Variants in RAPGEF6 observed in about 807,000 individuals in gnomAD.
RAPGEF6 encodes the protein Rap guanine nucleotide exchange factor 6, also known as PDZ domain containing guanine nucleotide exchange factor (GEF) 2.
A neutral mutation model predicts 171.4 loss-of-function variants in RAPGEF6; 56 were observed. That is an observed-to-expected ratio of 0.33 (90% CI 0.26 to 0.41). The LOEUF (loss-of-function observed/expected upper bound fraction) is 0.41, where lower values mean the gene tolerates loss of function less well. Ranked by LOEUF, RAPGEF6 falls within the 10% of genes least tolerant of loss-of-function variation. RAPGEF6 has a pLI of 1.00. For synonymous variants in RAPGEF6, 692 were observed against 650.1 expected (o/e 1.06, Z -0.98); for missense variants, 1,674 against 1,921.4 (o/e 0.87, Z 2.41).
chr5:131,606,961 C>T (rs781323524), intron 1 of RAPGEF6, among the ~76,000 whole-genome samples: 2 of 152,212 alleles, frequency 1.3e-5, no homozygotes, highest in Admixed American at 1.3e-4. Flanking sequence ...TCAGCCAGAA[C>T]CTGCTGAATG....
intron 11 of RAPGEF6, among the ~76,000 whole-genome samples, chr5:131,499,516 G>A (rs1329590451): frequency 6.7e-6 from 1 of 148,822 alleles, no homozygotes; most frequent in Non-Finnish European, 1.5e-5. Context: ...GGGAGGTGGA[G>A]GTTGCAGAGA....
At chr5:131,562,114 A>AAAAC (rs753392451) in intron 4 of RAPGEF6, 67 bp from the exon 5 acceptor site, 1 of 1,090,282 alleles carries the variant, frequency 9.2e-7, no homozygotes, top group African/African-American at 1.7e-5. Context: ...ATAGGAAAAG[A>AAAAC]AAACAAACAA....
At position 131,506,499 on chromosome 5, in the gene RAPGEF6, C is replaced by T. The variant is rs73256630; in HGVS notation, c.943-977G>A. The stretch of plus-strand genomic sequence containing the variant: ...CCACTTATTCTCCTTTAATATCAAA[C>T]CCTCTTATAAGCCTGAACCTTCAAT... On this transcript the variant is annotated intron_variant, in intron 9 of 27. Coordinates refer to ENST00000509018, the MANE Select transcript of RAPGEF6 (RefSeq NM_016340.6). Among the ~76,000 whole-genome samples, 331 of 152,276 alleles carry T rather than the reference C, an allele frequency of 2.2e-3. 1 individual carries two copies. The highest frequency in any genetic ancestry group is 6.8e-3 in the African/African-American group (281 of 41,546).
At chr5:131,538,132 A>T (rs538448184) in intron 6 of RAPGEF6, among the ~76,000 whole-genome samples, 9 of 152,108 alleles carry the variant, frequency 5.9e-5, no homozygotes, top group East Asian at 1.9e-4. Flanking sequence ...CTACAACAAT[A>T]AAAAAAACTA....
At chr5:131,633,939 A>C (rs1276057423) in intron 1 of RAPGEF6, among the ~76,000 whole-genome samples, 2 of 152,204 alleles carry the variant, frequency 1.3e-5, no homozygotes, top group Non-Finnish European at 2.9e-5. Flanking sequence ...AGAACTCTGG[A>C]AAGTGGTAGA....
intron 6 of RAPGEF6, among the ~76,000 whole-genome samples, chr5:131,543,069 G>T (rs1192379995): frequency 6.6e-6 from 1 of 152,076 alleles, no homozygotes; most frequent in Non-Finnish European, 1.5e-5. Flanking sequence ...AAACAGGACT[G>T]GTCTAGACTA....
chr5:131,550,321 A>T (rs1290408058), intron 5 of RAPGEF6, among the ~76,000 whole-genome samples: 1 of 152,182 alleles, frequency 6.6e-6, no homozygotes, highest in African/African-American at 2.4e-5. Context: ...CACCAAATAA[A>T]TTTTAAACTC....
At position 131,453,114 on chromosome 5, in the gene RAPGEF6, A is replaced by G. The variant is rs1360045167; in HGVS notation, c.3140T>C (p.Ile1047Thr). ...AGAAGTCATTCGAACAACTTGGCGG[A>G]TTTCCTTGGAAATCATTCTTAACTT... is the stretch of plus-strand genomic sequence containing the variant. ...FEKLRMISKE[I>T]RQVVRMTSAN... The change falls in exon 21 of 28, where the codon ATC becomes ACC. Residue 1047 changes from isoleucine (I) to threonine (T), a missense_variant. This residue lies in a region of RAPGEF6 where 1,116 missense variants were observed against 1,321.5 expected (regional missense o/e 0.84). Coordinates refer to ENST00000509018, the MANE Select transcript of RAPGEF6 (RefSeq NM_016340.6). The G allele has an allele frequency of 6.2e-7, 1 of 1,613,880 alleles. No individual in the cohort carries two copies. Among genetic ancestry groups the G allele is most frequent in the Non-Finnish European group, 8.5e-7 (1 of 1,179,940 alleles).
At chr5:131,564,094 G>A (rs897607514) in intron 4 of RAPGEF6, among the ~76,000 whole-genome samples, 5 of 152,178 alleles carry the variant, frequency 3.3e-5, no homozygotes, top group African/African-American at 9.7e-5. Context: ...CCACCTACAG[G>A]CAAGAGAAGC....
intron 6 of RAPGEF6, among the ~76,000 whole-genome samples, chr5:131,535,204 T>C (rs769811402): frequency 2.0e-5 from 3 of 152,108 alleles, no homozygotes; most frequent in Non-Finnish European, 4.4e-5. Flanking sequence ...AACTGTATAG[T>C]GAACCTATCA....
chr5:131,510,321 A>G lies in RAPGEF6; in HGVS notation c.798T>C (p.Asp266=). Reference sequence around the variant, plus strand: ...AACACATATATTTCTTACCAATGTCATCATCAGTTTTGTCTGCAGGTTCTT... The same window carrying G: ...AACACATATATTTCTTACCAATGTCGTCATCAGTTTTGTCTGCAGGTTCTT... ...LEKEPADKTD[D]DIEQLLEFMH... The change falls in exon 8 of 28, where the codon GAT becomes GAC. Residue 266 remains aspartate (D), a synonymous_variant. Transcript: ENST00000509018. 1 of 1,612,514 alleles carries G rather than the reference A, an allele frequency of 6.2e-7. No individual in the cohort carries two copies. Among genetic ancestry groups the G allele is most frequent in the South Asian group, 1.1e-5 (1 of 90,694 alleles).
rs750163341 is a variant in RAPGEF6 at position 131,428,947 on chromosome 5, G to A, written c.4735C>T (p.His1579Tyr). The change falls in exon 27 of 28, where the codon CAT (histidine) becomes TAT (tyrosine). Residue 1579 changes from histidine (H) to tyrosine (Y), a missense_variant. His to Tyr is a moderately conservative substitution (Grantham distance 83, BLOSUM62 2). This residue lies in a region of RAPGEF6 where 552 missense variants were observed against 574.2 expected (regional missense o/e 0.96). Transcript: ENST00000509018. ...TCAGTCACATCTCCTAGTTTAGGAT[G>A]GAATGGCTGCAAATTATGCCTCTGA... ...QPQRHNLQPF[H>Y]PKLGDVTDAD... 2.5e-6 allele frequency: 4 copies of A among 1,614,216 alleles called. No homozygotes were observed. Among genetic ancestry groups the A allele is most frequent in the South Asian group, 2.2e-5 (2 of 91,078 alleles).
intron 1 of RAPGEF6, 129 bp from the exon 2 acceptor site, chr5:131,604,822 A>G (rs1580662628): frequency 8.6e-7 from 1 of 1,168,474 alleles, no homozygotes; most frequent in East Asian, 2.7e-5. Context: ...AAAATCATAA[A>G]ACCTCTGAAT....
intron 16 of RAPGEF6, among the ~76,000 whole-genome samples, chr5:131,475,014 A>G (rs984692844): frequency 2.0e-5 from 3 of 152,250 alleles, no homozygotes; most frequent in African/African-American, 7.2e-5. Flanking sequence ...TAAGATGTAC[A>G]GAAAATACGA....
intron 5 of RAPGEF6, among the ~76,000 whole-genome samples, chr5:131,556,227 G>A (rs1019612226): frequency 5.3e-5 from 8 of 152,120 alleles, no homozygotes; most frequent in African/African-American, 1.9e-4. Context: ...ATCACCTGAG[G>A]TCAGGAGTTT....
intron 15 of RAPGEF6, among the ~76,000 whole-genome samples, chr5:131,481,989 G>C (rs1237785759): frequency 6.6e-6 from 1 of 152,082 alleles, no homozygotes; most frequent in Non-Finnish European, 1.5e-5. Context: ...CAAAATCAAA[G>C]AACTTACAAG....
chr5:131,468,532 C>T (rs1190940497), intron 17 of RAPGEF6, among the ~76,000 whole-genome samples: 7 of 96,992 alleles, frequency 7.2e-5, no homozygotes, highest in African/African-American at 2.4e-4. Flanking sequence ...ATGTACTGAC[C>T]CTGAGATTAC....
chr5:131,529,003 TG>T (rs1759181687), intron 6 of RAPGEF6, among the ~76,000 whole-genome samples: 1 of 152,026 alleles, frequency 6.6e-6, no homozygotes, highest in African/African-American at 2.4e-5. Context: ...GAACCCAAAG[TG>T]GTAATGCTTC....
chr5:131,547,942 A>T (rs1561552906), intron 6 of RAPGEF6, 105 bp downstream of exon 6: 1 of 1,273,044 alleles, frequency 7.9e-7, no homozygotes, highest in East Asian at 2.4e-5. Context: ...CCAAATTTTC[A>T]CATACAGAGC....
Sources: gnomAD v4.1 joint callset for allele counts (sites outside exome capture counted in the v4.1 genomes callset) on GRCh38, gnomAD v4.1.1 for gene constraint, gnomAD v4.1.1 regional missense constraint, MANE v1.5 for transcripts, NCBI Gene and HGNC (gene_info 2026-07-23, HGNC 2026-07-21) for gene names.